ANGPT1: variants seen among roughly 807,000 people sequenced by gnomAD.
ANGPT1 encodes the protein angiopoietin 1, also known as angiopoietin-1.
A neutral mutation model predicts 62.2 loss-of-function variants in ANGPT1; 17 were observed. The ratio of observed to expected loss-of-function variants is 0.27; its 90% confidence interval spans 0.19 to 0.41. The LOEUF (loss-of-function observed/expected upper bound fraction) is 0.41, where lower values mean the gene tolerates loss of function less well. Ranked by LOEUF, ANGPT1 falls within the 10% of genes least tolerant of loss-of-function variation. The probability of loss-of-function intolerance (pLI) is 1.00; values close to 1 mark genes in which losing one functional copy is unlikely to be tolerated. For missense variants in ANGPT1, 478 were observed against 594.9 expected (o/e 0.80, Z 2.04); for synonymous variants, 199 against 198.9 (o/e 1.00, Z 0.00).
At chr8:107,491,606 T>C (rs1586367333) in intron 1 of ANGPT1, among the ~76,000 whole-genome samples, 1 of 152,212 alleles carries the variant, frequency 6.6e-6, no homozygotes, top group Middle Eastern at 3.4e-3. Context: ...AAACAGCTTG[T>C]AAAGTCCCTG....
At chr8:107,266,112 A>G (rs1052329302) in intron 7 of ANGPT1, among the ~76,000 whole-genome samples, 1 of 152,182 alleles carries the variant, frequency 6.6e-6, no homozygotes, top group African/African-American at 2.4e-5. Flanking sequence ...GCAGACTACA[A>G]GTAACTGGTG....
chr8:107,336,077 T>G, intron 3 of ANGPT1, 73 bp downstream of exon 3: 1 of 1,410,818 alleles, frequency 7.1e-7, no homozygotes, highest in South Asian at 1.7e-5. Flanking sequence ...CTTATTTGTT[T>G]AAGAGTTGGC....
chr8:107,409,394 G>A (rs1817213876), intron 1 of ANGPT1, among the ~76,000 whole-genome samples: 1 of 152,140 alleles, frequency 6.6e-6, no homozygotes, highest in Non-Finnish European at 1.5e-5. Flanking sequence ...CATTCTGTCA[G>A]GTTCACCAAT....
At chr8:107,402,463 C>T (rs1216000068) in intron 1 of ANGPT1, among the ~76,000 whole-genome samples, 3 of 152,180 alleles carry the variant, frequency 2.0e-5, no homozygotes, top group Non-Finnish European at 4.4e-5. Flanking sequence ...GCAACTAATA[C>T]ATATCAGTTA....
At chr8:107,420,760 C>T (rs1810876358) in intron 1 of ANGPT1, among the ~76,000 whole-genome samples, 1 of 152,078 alleles carries the variant, frequency 6.6e-6, no homozygotes, top group Admixed American at 6.6e-5. Context: ...CCTCTAATTT[C>T]ATAAAACACA....
chr8:107,253,307 TAA>T (rs1396149990), intron 8 of ANGPT1, among the ~76,000 whole-genome samples: 2 of 152,322 alleles, frequency 1.3e-5, no homozygotes, highest in East Asian at 3.9e-4. Context: ...GAACTGCAAG[TAA>T]AATCCTACCT....
intron 1 of ANGPT1, among the ~76,000 whole-genome samples, chr8:107,451,092 G>T (rs1048341635): frequency 1.9e-4 from 28 of 151,254 alleles, no homozygotes; most frequent in African/African-American, 6.8e-4. Context: ...CTTTAATCAC[G>T]GCCAGAGAAA....
At chr8:107,342,400 A>C (rs750554173) in intron 2 of ANGPT1, among the ~76,000 whole-genome samples, 1 of 152,214 alleles carries the variant, frequency 6.6e-6, no homozygotes, top group Non-Finnish European at 1.5e-5. Context: ...TTAGGAATTT[A>C]TATCCTAGTG....
At chr8:107,266,049 A>G (rs1813606072) in intron 7 of ANGPT1, among the ~76,000 whole-genome samples, 1 of 152,206 alleles carries the variant, frequency 6.6e-6, no homozygotes, top group South Asian at 2.1e-4. Context: ...AGTACAAATA[A>G]TCTTCTAATG....
chr8:107,302,043 G>T (rs1232440443), intron 5 of ANGPT1, among the ~76,000 whole-genome samples: 1 of 151,934 alleles, frequency 6.6e-6, no homozygotes, highest in Non-Finnish European at 1.5e-5. Flanking sequence ...GCATGGAAGT[G>T]TTGATATTGC....
chr8:107,274,245 C>T (rs1264585974), intron 7 of ANGPT1, among the ~76,000 whole-genome samples: 1 of 152,120 alleles, frequency 6.6e-6, no homozygotes, highest in Middle Eastern at 3.2e-3. Flanking sequence ...CCTATATGCA[C>T]ATTCAAGAAA....
chr8:107,264,616 T>C (rs1463479814), intron 7 of ANGPT1, among the ~76,000 whole-genome samples: 1 of 152,196 alleles, frequency 6.6e-6, no homozygotes, highest in African/African-American at 2.4e-5. Flanking sequence ...TTTATTGTAT[T>C]AATACAGGTA....
chr8:107,358,275 T>A (rs1204459220), intron 1 of ANGPT1, among the ~76,000 whole-genome samples: 1 of 152,172 alleles, frequency 6.6e-6, no homozygotes, highest in Admixed American at 6.6e-5. Flanking sequence ...TAAATTACCC[T>A]TGGTCCAAGT....
chr8:107,418,184 G>A (rs781163502), intron 1 of ANGPT1, among the ~76,000 whole-genome samples: 1 of 152,106 alleles, frequency 6.6e-6, no homozygotes, highest in Non-Finnish European at 1.5e-5. Flanking sequence ...GACAACATAT[G>A]CAGTGAAAAT....
intron 1 of ANGPT1, among the ~76,000 whole-genome samples, chr8:107,473,953 C>T (rs1467534419): frequency 6.6e-6 from 1 of 151,932 alleles, no homozygotes; most frequent in East Asian, 1.9e-4. Context: ...TAATAGCCTA[C>T]CAACCAAAAA....
At chr8:107,367,297 A>T (rs1359098777) in intron 1 of ANGPT1, among the ~76,000 whole-genome samples, 1 of 152,214 alleles carries the variant, frequency 6.6e-6, no homozygotes, top group Non-Finnish European at 1.5e-5. Context: ...ATGCCTAAAA[A>T]ACAAGGTACA....
At chr8:107,375,147 A>C (rs575579393) in intron 1 of ANGPT1, among the ~76,000 whole-genome samples, 2 of 142,618 alleles carry the variant, frequency 1.4e-5, no homozygotes, top group African/African-American at 2.6e-5. Context: ...TGACAGAGTG[A>C]GACTCCATCT....
intron 1 of ANGPT1, among the ~76,000 whole-genome samples, chr8:107,468,536 C>T (rs2130492364): frequency 6.6e-6 from 1 of 152,076 alleles, no homozygotes; most frequent in South Asian, 2.1e-4. Flanking sequence ...ATATCATCTA[C>T]ATATAATATT....
At chr8:107,422,122 C>T (rs190666581) in intron 1 of ANGPT1, among the ~76,000 whole-genome samples, 8 of 152,226 alleles carry the variant, frequency 5.3e-5, no homozygotes, top group Middle Eastern at 3.4e-3. Context: ...AGGGTAATTT[C>T]GAGAAACATA....
Sources: allele counts gnomAD v4.1 joint callset (sites outside exome capture counted in the v4.1 genomes callset), GRCh38; gene constraint gnomAD v4.1.1; transcripts MANE v1.5; gene names NCBI Gene and HGNC (gene_info 2026-07-23, HGNC 2026-07-21).